Variants in JMJD1C observed in about 807,000 individuals in gnomAD.
JMJD1C encodes the protein jumonji domain-containing protein 1C.
In JMJD1C, 31 loss-of-function variants were observed where a neutral mutation model predicts 245.3. That is an observed-to-expected ratio of 0.13 (90% CI 0.09 to 0.17). The LOEUF (loss-of-function observed/expected upper bound fraction) is 0.17, where lower values mean the gene tolerates loss of function less well. Among genes scored for constraint, JMJD1C ranks in the 10% least tolerant of loss-of-function variants. The pLI, the probability that JMJD1C is intolerant of heterozygous loss-of-function variation, is 1.00. For missense variants in JMJD1C, 2,691 were observed against 3,000.2 expected, an observed-to-expected ratio of 0.90 and a Z score of 2.41; for synonymous variants, 1,057 against 1,017.4, an observed-to-expected ratio of 1.04 and a Z score of -0.74.
intron 2 of JMJD1C, among the ~76,000 whole-genome samples, chr10:63,289,433 T>C (rs1375701572): frequency 6.6e-6 from 1 of 152,204 alleles, no homozygotes; most frequent in Non-Finnish European, 1.5e-5. Context: ...AAATGTAAAT[T>C]TGTGGATGGA....
At chr10:63,191,706 C>T (rs554194514) in intron 16 of JMJD1C, among the ~76,000 whole-genome samples, 2 of 151,972 alleles carry the variant, frequency 1.3e-5, no homozygotes, top group South Asian at 2.1e-4. Context: ...GGTAAGTGGC[C>T]GGGCGCGGTG....
At chr10:63,232,294 C>T (rs1228017869) in intron 3 of JMJD1C, among the ~76,000 whole-genome samples, 1 of 151,934 alleles carries the variant, frequency 6.6e-6, no homozygotes, top group African/African-American at 2.4e-5. Context: ...ATTAAAAAAC[C>T]ACTGATCTTT....
At chr10:63,222,638 A>C in intron 3 of JMJD1C, 1 of 1,565,194 alleles carries the variant, frequency 6.4e-7, no homozygotes, top group South Asian at 1.1e-5. Context: ...GGACATAATT[A>C]AAAGAAATAG....
intron 1 of JMJD1C, among the ~76,000 whole-genome samples, chr10:63,386,041 CT>C (rs1947562833): frequency 6.6e-6 from 1 of 152,060 alleles, no homozygotes; most frequent in Non-Finnish European, 1.5e-5. Flanking sequence ...AGAATAAACT[CT>C]CTTTGGATGC....
chr10:63,403,837 G>A (rs950679641), intron 1 of JMJD1C, among the ~76,000 whole-genome samples: 1 of 152,204 alleles, frequency 6.6e-6, no homozygotes, highest in Non-Finnish European at 1.5e-5. Context: ...TTGGGAAGCT[G>A]AGGCAGGAGA....
chr10:63,356,922 A>G (rs73294347), intron 2 of JMJD1C, among the ~76,000 whole-genome samples: 162 of 152,348 alleles, frequency 1.1e-3, no homozygotes, highest in African/African-American at 3.6e-3. Flanking sequence ...CTGTTTATTC[A>G]TCTATAAACA....
intron 1 of JMJD1C, among the ~76,000 whole-genome samples, chr10:63,384,519 G>T (rs1183148554): frequency 6.6e-6 from 1 of 152,194 alleles, no homozygotes; most frequent in Non-Finnish European, 1.5e-5. Flanking sequence ...GTGACCAGAT[G>T]CACTGTCAAT....
chr10:63,395,099 A>C (rs894330536), intron 1 of JMJD1C, among the ~76,000 whole-genome samples: 8 of 152,196 alleles, frequency 5.3e-5, no homozygotes, highest in Non-Finnish European at 1.2e-4. Flanking sequence ...GCAAGTAAGC[A>C]CATCAAAAGA....
At chr10:63,205,815 C>T (rs1437448963) in intron 10 of JMJD1C, among the ~76,000 whole-genome samples, 2 of 152,070 alleles carry the variant, frequency 1.3e-5, no homozygotes, top group African/African-American at 4.8e-5. Context: ...GTCATATATA[C>T]ATTCCATCAT....
At chr10:63,363,422 C>T (rs1218784631) in intron 2 of JMJD1C, among the ~76,000 whole-genome samples, 3 of 151,926 alleles carry the variant, frequency 2.0e-5, no homozygotes, top group East Asian at 3.9e-4. Context: ...CCATGCCTGG[C>T]TAATTTTTTG....
intron 1 of JMJD1C, among the ~76,000 whole-genome samples, chr10:63,507,058 G>T (rs1185530836): frequency 6.6e-6 from 1 of 152,044 alleles, no homozygotes; most frequent in African/African-American, 2.4e-5. Context: ...TTACTAATAT[G>T]AATTTCAGGT....
intron 1 of JMJD1C, among the ~76,000 whole-genome samples, chr10:63,510,638 T>C (rs1954847038): frequency 1.3e-5 from 2 of 152,206 alleles, no homozygotes; most frequent in Non-Finnish European, 2.9e-5. Flanking sequence ...GAATGTTCCG[T>C]GTAAGCTTGA....
intron 2 of JMJD1C, among the ~76,000 whole-genome samples, chr10:63,288,889 CAATAATAATAATAATAAT>C (rs61651313): frequency 0.016 from 2,257 of 139,592 alleles, 33 homozygotes; most frequent in East Asian, 0.064. Flanking sequence ...AATAATAATA[CAATAATAATAATAATAAT>C]AATAATAATA....
chr10:63,277,731 C>CTTTTTTTTTTTATTTTTTTTTTTTTTTTT (rs1856946263), intron 2 of JMJD1C, among the ~76,000 whole-genome samples: 1 of 64,262 alleles, frequency 1.6e-5, no homozygotes, highest in East Asian at 5.7e-4. Flanking sequence ...ATTTGCATTT[C>CTTTTTTTTTTTATTTTTTTTTTTTTTTTT]TTTTTTTTTT....
intron 3 of JMJD1C, among the ~76,000 whole-genome samples, chr10:63,239,152 A>C (rs1364274874): frequency 3.9e-5 from 6 of 152,252 alleles, no homozygotes; most frequent in Admixed American, 3.3e-4. Context: ...ATAAGAGATC[A>C]GAAAAGAAGG....
chr10:63,192,283 A>T (rs1339167077), intron 16 of JMJD1C, among the ~76,000 whole-genome samples: 1 of 105,366 alleles, frequency 9.5e-6, no homozygotes, highest in Non-Finnish European at 2.2e-5. Flanking sequence ...AAAAAAAAAA[A>T]AATTGGCCAG....
intron 18 of JMJD1C, among the ~76,000 whole-genome samples, chr10:63,187,704 A>C (rs1273772655): frequency 6.6e-6 from 1 of 152,164 alleles, no homozygotes; most frequent in East Asian, 1.9e-4. Flanking sequence ...GCCTCCCAAA[A>C]TGTTGGGATT....
chr10:63,372,363 G>C (rs1447049600), intron 2 of JMJD1C, among the ~76,000 whole-genome samples: 1 of 152,070 alleles, frequency 6.6e-6, no homozygotes, highest in Non-Finnish European at 1.5e-5. Flanking sequence ...GAGGACTTCT[G>C]TTTCTTCCTT....
In JMJD1C at chr10:63,215,120, C is replaced by T. The variant is rs1847828691; in HGVS notation, c.1047G>A (p.Met349Ile). ...CCTCCTCAGGTTTCCTTCTTTTATT[C>T]ATCAAGTGTTTGTTTTTACCTTTAG... ...ENPKGKNKHL[M>I]NKRRKPEEDE... is the part of the protein sequence containing the mutation. Residue 349 changes from methionine to isoleucine, a missense_variant, in exon 8 of 26, where the codon ATG (methionine) becomes ATA (isoleucine). Met to Ile is a conservative substitution (Grantham distance 10). This residue lies in a region of JMJD1C where 1,562 missense variants were observed against 1,490.7 expected (regional missense o/e 1.05). Transcript: ENST00000399262. 3.8e-6 allele frequency: 6 copies of T among 1,569,990 alleles called. No homozygotes were observed. In the African/African-American group the frequency reaches 8.3e-5, roughly 22 times the overall value.
Sources: gnomAD v4.1 joint callset for allele counts (sites outside exome capture counted in the v4.1 genomes callset) on GRCh38, gnomAD v4.1.1 for gene constraint, gnomAD v4.1.1 regional missense constraint, MANE v1.5 for transcripts, NCBI Gene and HGNC (gene_info 2026-07-23, HGNC 2026-07-21) for gene names.